Variants in PTPN9 observed in about 807,000 individuals in gnomAD.
PTPN9 encodes protein tyrosine phosphatase non-receptor type 9.
Under a neutral mutation model 69.8 loss-of-function variants are expected in PTPN9, and 26 were observed. The ratio of observed to expected loss-of-function variants is 0.37; its 90% CI spans 0.27 to 0.52. The LOEUF is 0.52. PTPN9 is among the 20% of genes least tolerant of loss of function. The pLI is 0.91. For missense variants in PTPN9, 549 were observed against 740.3 expected (o/e 0.74, Z 3.00); for synonymous variants, 274 against 272.5 (o/e 1.01, Z -0.05).
intron 1 of PTPN9, among the ~76,000 whole-genome samples, chr15:75,572,724 G>T (rs909319530): frequency 5.3e-5 from 8 of 151,772 alleles, no homozygotes; most frequent in African/African-American, 1.7e-4. Context: ...AAGAAAAAAA[G>T]AAAGAAAGAA....
intron 5 of PTPN9, chr15:75,512,995 CT>C: frequency 2.5e-6 from 1 of 401,068 alleles, no homozygotes; most frequent in Admixed American, 3.1e-5. Flanking sequence ...CTGTCACTGG[CT>C]TTTCTGTTAA....
At chr15:75,549,938 T>TA (rs2075049924) in intron 1 of PTPN9, among the ~76,000 whole-genome samples, 1 of 152,028 alleles carries the variant, frequency 6.6e-6, no homozygotes, top group Non-Finnish European at 1.5e-5. Flanking sequence ...TGCATCCCTG[T>TA]ACTCTTGCCT....
chr15:75,535,389 A>G (rs566228898), intron 1 of PTPN9, among the ~76,000 whole-genome samples: 4 of 152,322 alleles, frequency 2.6e-5, no homozygotes, highest in African/African-American at 9.6e-5. Flanking sequence ...TTTAGACTTC[A>G]GTTCCCATCT....
chr15:75,560,900 T>C (rs975023560), intron 1 of PTPN9, among the ~76,000 whole-genome samples: 1 of 151,588 alleles, frequency 6.6e-6, no homozygotes, highest in African/African-American at 2.4e-5. Context: ...GTGCCTGTAA[T>C]CCCAGCTACT....
chr15:75,529,996 G>C (rs1299973920), intron 1 of PTPN9, among the ~76,000 whole-genome samples: 3 of 151,612 alleles, frequency 2.0e-5, no homozygotes, highest in African/African-American at 7.3e-5. Context: ...GAGGTCAGGA[G>C]CTCGAGACCA....
At position 75,576,811 on chromosome 15, in the gene PTPN9, A is replaced by C. The variant is rs189269107; in HGVS notation, c.63+1903T>G. Among the ~76,000 whole-genome samples the C allele has an allele frequency of 3.0e-3, 463 of 152,236 alleles. 11 individuals are homozygous for C. Among genetic ancestry groups the C allele is most frequent in the Admixed American group, 0.027 (409 of 15,262 alleles). On this transcript the variant is annotated intron_variant, in intron 1 of 12. Transcript: ENST00000618819. ...TGACAGGGCGAGGCTCTGTCTCAAA[A>C]AAACAAACAAACAAACAAAAAATCA...
chr15:75,469,090 T>A, intron 12 of PTPN9, 107 bp from the exon 13 acceptor site: 2 of 1,077,698 alleles, frequency 1.9e-6, no homozygotes, highest in Middle Eastern at 2.4e-4. Flanking sequence ...GCAAAGTGCC[T>A]CATGGCAGAA....
At chr15:75,504,452 G>A (rs1443911353) in intron 7 of PTPN9, among the ~76,000 whole-genome samples, 2 of 134,080 alleles carry the variant, frequency 1.5e-5, no homozygotes, top group Non-Finnish European at 3.2e-5. Flanking sequence ...CCCCCCGCCC[G>A]GCCAGCCGCC....
chr15:75,574,770 A>G (rs1002172556), intron 1 of PTPN9, among the ~76,000 whole-genome samples: 5 of 151,438 alleles, frequency 3.3e-5, no homozygotes, highest in Non-Finnish European at 7.4e-5. Flanking sequence ...GTGAAACCCC[A>G]TCTCTACTAA....
intron 1 of PTPN9, among the ~76,000 whole-genome samples, chr15:75,563,879 T>C (rs911448330): frequency 5.3e-5 from 8 of 152,034 alleles, no homozygotes; most frequent in African/African-American, 1.9e-4. Context: ...CAAATATAGT[T>C]TGAATGAACA....
intron 5 of PTPN9, among the ~76,000 whole-genome samples, chr15:75,515,413 C>T (rs1486077784): frequency 2.4e-5 from 3 of 123,124 alleles, no homozygotes; most frequent in Admixed American, 2.0e-4. Context: ...GGCGACAGTG[C>T]GAGACTCCGT....
At chr15:75,543,006 C>G (rs1353118374) in intron 1 of PTPN9, among the ~76,000 whole-genome samples, 1 of 128,698 alleles carries the variant, frequency 7.8e-6, no homozygotes, top group Non-Finnish European at 1.6e-5. Context: ...CCCCTCCCCC[C>G]ACCCCACGAC....
intron 8 of PTPN9, among the ~76,000 whole-genome samples, chr15:75,489,156 C>T (rs546645037): frequency 2.0e-5 from 2 of 102,156 alleles, no homozygotes; most frequent in South Asian, 3.2e-4. Context: ...GCCTGGGGGA[C>T]AGAGCAAGAC....
At chr15:75,504,388 C>G (rs541375505) in intron 7 of PTPN9, among the ~76,000 whole-genome samples, 85 of 78,964 alleles carry the variant, frequency 1.1e-3, no homozygotes, top group African/African-American at 1.4e-3. Flanking sequence ...AGGTGGGGGG[C>G]TCAGCCCCCC....
At chr15:75,558,992 C>T (rs1236096253) in intron 1 of PTPN9, among the ~76,000 whole-genome samples, 1 of 152,106 alleles carries the variant, frequency 6.6e-6, no homozygotes, top group African/African-American at 2.4e-5. Flanking sequence ...GGCCACCCAT[C>T]GTCTGGGATG....
chr15:75,494,214 GAAAGA>G (rs1481055229), intron 7 of PTPN9, among the ~76,000 whole-genome samples: 1 of 150,224 alleles, frequency 6.7e-6, no homozygotes, highest in African/African-American at 2.4e-5. Context: ...ATAATACAAG[GAAAGA>G]AATCATTTAA....
intron 7 of PTPN9, among the ~76,000 whole-genome samples, chr15:75,504,806 TCAGCCCCCCGC>T (rs1340847792): frequency 7.8e-6 from 1 of 127,548 alleles, no homozygotes; most frequent in African/African-American, 3.2e-5. Context: ...GGTGGGGGGG[TCAGCCCCCCGC>T]CTGGCCAGCC....
intron 7 of PTPN9, among the ~76,000 whole-genome samples, chr15:75,500,360 C>T (rs754218709): frequency 6.6e-6 from 1 of 151,252 alleles, no homozygotes; most frequent in Non-Finnish European, 1.5e-5. Flanking sequence ...CACACACACA[C>T]ACACACACAC....
chr15:75,486,036 G>C (rs994350051), intron 8 of PTPN9, among the ~76,000 whole-genome samples: 5 of 145,218 alleles, frequency 3.4e-5, no homozygotes, highest in African/African-American at 1.0e-4. Flanking sequence ...GGAGGTGGAG[G>C]TTGCAGTGAG....
Sources: gnomAD v4.1 joint callset for allele counts (sites outside exome capture counted in the v4.1 genomes callset) on GRCh38, gnomAD v4.1.1 for gene constraint, MANE v1.5 for transcripts, NCBI Gene and HGNC (gene_info 2026-07-23, HGNC 2026-07-21) for gene names.